Variants in USB1 observed in about 807,000 individuals in gnomAD.
The protein encoded by USB1 is U6 snRNA phosphodiesterase 1.
Under a neutral mutation model 29.9 loss-of-function variants are expected in USB1, and 21 were observed. That is an observed-to-expected ratio of 0.70 (90% CI 0.50 to 1.01). The LOEUF (loss-of-function observed/expected upper bound fraction) is 1.01, where lower values mean the gene tolerates loss of function less well. Among genes scored for constraint, USB1 ranks in the 50% least tolerant of loss-of-function variants. The probability of loss-of-function intolerance (pLI) is 0.00; values close to 1 mark genes in which losing one functional copy is unlikely to be tolerated. For missense variants in USB1, 330 were observed against 347.1 expected (o/e 0.95, Z 0.39); for synonymous variants, 143 against 134.9 (o/e 1.06, Z -0.42).
At chr16:58,001,326 T>G (rs1380898587), upstream of USB1, 2 of 845,150 alleles carry the variant, frequency 2.4e-6, no homozygotes, top group Non-Finnish European at 3.8e-6. Context: ...GGGCTGAATC[T>G]TCACCACTGT....
intron 2 of USB1, 103 bp from the exon 3 acceptor site, chr16:58,009,826 A>G (rs1435758556): frequency 1.5e-6 from 2 of 1,367,594 alleles, no homozygotes; most frequent in South Asian, 2.3e-5. Context: ...TTTCTCCCCA[A>G]ACCCAGAGTA....
intron 2 of USB1, among the ~76,000 whole-genome samples, chr16:58,006,979 A>T (rs866155740): frequency 6.6e-6 from 1 of 152,096 alleles, no homozygotes; most frequent in African/African-American, 2.4e-5. Context: ...GGATCATTTG[A>T]TTTTTCTCCT....
upstream of USB1, among the ~76,000 whole-genome samples, chr16:58,001,134 C>T (rs1963173572): frequency 1.3e-5 from 2 of 152,124 alleles, no homozygotes; most frequent in Admixed American, 1.3e-4. Context: ...TGCGCTGACC[C>T]GGGACTGTCG....
At chr16:58,005,049 G>A (rs1483076158) in intron 2 of USB1, among the ~76,000 whole-genome samples, 1 of 152,232 alleles carries the variant, frequency 6.6e-6, no homozygotes, top group Non-Finnish European at 1.5e-5. Context: ...CAGAGAGAGA[G>A]AGGGAGAGAG....
chr16:58,011,193 G>A, intron 3 of USB1: 3 of 1,521,700 alleles, frequency 2.0e-6, no homozygotes, highest in Non-Finnish European at 2.6e-6. Context: ...TAGGATCTCT[G>A]TGTCAGGAAC....
chr16:58,017,154 A>T (rs1039820279), intron 4 of USB1, 180 bp from the exon 5 acceptor site: 5 of 647,424 alleles, frequency 7.7e-6, no homozygotes, highest in Non-Finnish European at 1.1e-5. Context: ...GAAGATTTAC[A>T]GACAGAGAAT....
At chr16:58,001,226 A>T, upstream of USB1, 2 of 584,956 alleles carry the variant, frequency 3.4e-6, no homozygotes, top group South Asian at 3.9e-5. Context: ...TGAAATGGGT[A>T]CACGAAGGCT....
chr16:58,011,313 A>G, intron 3 of USB1: 7 of 1,414,100 alleles, frequency 5.0e-6, no homozygotes, highest in South Asian at 1.6e-5. Context: ...AAAGGAGATC[A>G]TGGGTGCCCT....
At chr16:58,005,697 G>A (rs755159744) in intron 2 of USB1, among the ~76,000 whole-genome samples, 1 of 151,936 alleles carries the variant, frequency 6.6e-6, no homozygotes, top group East Asian at 1.9e-4. Flanking sequence ...GGAACAACTC[G>A]TGCCCTCGGT....
intron 2 of USB1, among the ~76,000 whole-genome samples, chr16:58,005,697 G>C (rs755159744): frequency 6.6e-6 from 1 of 151,936 alleles, no homozygotes; most frequent in Non-Finnish European, 1.5e-5. Flanking sequence ...GGAACAACTC[G>C]TGCCCTCGGT....
chr16:58,017,153 C>T, intron 4 of USB1, 181 bp from the exon 5 acceptor site: 1 of 645,056 alleles, frequency 1.6e-6, no homozygotes, highest in South Asian at 1.7e-5. Flanking sequence ...GGAAGATTTA[C>T]AGACAGAGAA....
chr16:58,014,254 A>G lies in USB1; in HGVS notation c.450-19A>G. 1 of 1,603,514 alleles carries G rather than the reference A, an allele frequency of 6.2e-7. No individual in the cohort carries two copies. Among genetic ancestry groups the G allele is most frequent in the Admixed American group, 1.7e-5 (1 of 59,802 alleles). On this transcript the variant is annotated intron_variant, in intron 3 of 6. Coordinates refer to ENST00000219281, the MANE Select transcript of USB1 (RefSeq NM_024598.4). ...TTTTTCTTACGATTTTTCCTGAAAT[A>G]TGGTCTTCTAAATTTCAGATTCTTC...
At chr16:58,012,546 CG>C in intron 3 of USB1, 2 of 1,362,234 alleles carry the variant, frequency 1.5e-6, no homozygotes, top group Non-Finnish European at 1.9e-6. Flanking sequence ...CCGCATCTCC[CG>C]GCTAATGGTG....
In USB1 at chr16:58,021,019, C is replaced by T. The variant is rs1467846149; in HGVS notation, c.*774C>T. On this transcript the variant is annotated 3_prime_UTR_variant, in exon 7 of 7. Transcript: ENST00000219281. ...CAATTTGTATTTTGATGCCATTGGC[C>T]TCAGATCAGAGTGTTTTAAATCATC... 2 of 153,526 alleles carry T rather than the reference C, an allele frequency of 1.3e-5. No individual in the cohort carries two copies. The highest frequency in any genetic ancestry group is 2.9e-5 in the Non-Finnish European group (2 of 68,904). The allele number at this position is 153,526 out of a possible 1,614,324, so 9.5% of individuals were successfully genotyped here.
intron 3 of USB1, chr16:58,010,810 G>A: frequency 1.7e-6 from 1 of 578,790 alleles, no homozygotes; most frequent in Non-Finnish European, 3.1e-6. Context: ...GGAGTTGGGA[G>A]TGAGCCACCC....
At chr16:58,002,973 G>T (rs1963265676) in intron 2 of USB1, among the ~76,000 whole-genome samples, 1 of 152,180 alleles carries the variant, frequency 6.6e-6, no homozygotes. Flanking sequence ...GGTACGCTGG[G>T]TGTGCAAGGT....
Position 58,014,235 on chromosome 16 carries a change from T to G in USB1, c.450-38T>G, listed in dbSNP as rs762509049. ...TAAGCTATTTTTTCTGCTTTTTTTC[T>G]TACGATTTTTCCTGAAATATGGTCT... On this transcript the variant is annotated intron_variant, in intron 3 of 6. Transcript: ENST00000219281. The G allele has an allele frequency of 6.0e-5, 94 of 1,566,314 alleles. No individual in the cohort carries two copies. In the South Asian group the frequency reaches 1.0e-3, roughly 17 times the overall value.
At position 58,014,295 on chromosome 16, in the gene USB1, G is replaced by A. The variant is rs1342037520; in HGVS notation, c.472G>A (p.Val158Ile). Reference sequence around the variant, plus strand: ...CAGATTCTTCTTTACTGCCAACCAGGTAAAGATTTACACCAATCAAGAGAA... The same window carrying A: ...CAGATTCTTCTTTACTGCCAACCAGATAAAGATTTACACCAATCAAGAGAA... ...FHRFFFTANQ[V>I]KIYTNQEKTR... Residue 158 changes from valine to isoleucine, a missense_variant, in exon 4 of 7, where the codon GTA becomes ATA. By Grantham distance (29) the Val-to-Ile change is conservative. Coordinates refer to ENST00000219281, the MANE Select transcript of USB1 (RefSeq NM_024598.4). The A allele has an allele frequency of 2.5e-6, 4 of 1,613,752 alleles. No individual in the cohort carries two copies. Among genetic ancestry groups the A allele is most frequent in the Non-Finnish European group, 3.4e-6 (4 of 1,179,820 alleles).
intron 3 of USB1, chr16:58,011,289 G>A: frequency 1.4e-6 from 2 of 1,433,486 alleles, no homozygotes; most frequent in Non-Finnish European, 1.8e-6. Flanking sequence ...CCTCACTGGG[G>A]GCCTATGGGG....
Sources: gnomAD v4.1 joint callset for allele counts (sites outside exome capture counted in the v4.1 genomes callset) on GRCh38, gnomAD v4.1.1 for gene constraint, MANE v1.5 for transcripts, NCBI Gene and HGNC (gene_info 2026-07-23, HGNC 2026-07-21) for gene names.